Variants in EPS15 observed in about 807,000 individuals in gnomAD.
The protein encoded by EPS15 is epidermal growth factor receptor substrate 15.
A neutral mutation model predicts 113.8 loss-of-function variants in EPS15; 72 were observed. That is an observed-to-expected ratio of 0.63 (90% confidence interval 0.52 to 0.77). The LOEUF is 0.77. EPS15 is among the 30% of genes least tolerant of loss of function. EPS15 has a pLI of 0.00. For missense variants in EPS15, 1,048 were observed against 1,045.8 expected, an observed-to-expected ratio of 1.00 and a Z score of -0.03; for synonymous variants, 344 against 363.4, an observed-to-expected ratio of 0.95 and a Z score of 0.61.
At chr1:51,393,982 G>T (rs1451897176) in intron 21 of EPS15, among the ~76,000 whole-genome samples, 4 of 152,150 alleles carry the variant, frequency 2.6e-5, no homozygotes, top group Admixed American at 2.6e-4. Flanking sequence ...GCTTTTCTCT[G>T]TATTATTAAC....
At chr1:51,507,431 G>A (rs1375547060) in intron 1 of EPS15, among the ~76,000 whole-genome samples, 1 of 152,158 alleles carries the variant, frequency 6.6e-6, no homozygotes, top group Non-Finnish European at 1.5e-5. Context: ...GGGAGGCTGA[G>A]GCGGGTAGAT....
intron 21 of EPS15, among the ~76,000 whole-genome samples, chr1:51,385,570 G>T (rs1175195479): frequency 1.3e-5 from 2 of 152,094 alleles, no homozygotes; most frequent in Non-Finnish European, 2.9e-5. Flanking sequence ...ATACCCAAAA[G>T]AACTGAAAGC....
chr1:51,434,119 A>G (rs1651951772), intron 12 of EPS15, among the ~76,000 whole-genome samples: 1 of 152,252 alleles, frequency 6.6e-6, no homozygotes, highest in Admixed American at 6.5e-5. Context: ...AACAGTCTTC[A>G]TCAGATTTTC....
chr1:51,429,941 G>A (rs887137768), intron 12 of EPS15, among the ~76,000 whole-genome samples: 2 of 152,108 alleles, frequency 1.3e-5, no homozygotes, highest in African/African-American at 4.8e-5. Flanking sequence ...GTGAGCCATC[G>A]TGCCCAGCCA....
At chr1:51,447,983 G>GTT (rs1420366987) in intron 9 of EPS15, 63 bp downstream of exon 9, 4 of 1,591,408 alleles carry the variant, frequency 2.5e-6, no homozygotes, top group Non-Finnish European at 3.4e-6. Flanking sequence ...ATGGTAAGGA[G>GTT]TGGTAAGATT....
chr1:51,485,643 A>C (rs1256157560), intron 1 of EPS15, among the ~76,000 whole-genome samples: 6 of 152,216 alleles, frequency 3.9e-5, no homozygotes, highest in African/African-American at 1.4e-4. Context: ...GCTTTTAGCA[A>C]ATACCAATTA....
chr1:51,493,454 G>A (rs201980728), intron 1 of EPS15, among the ~76,000 whole-genome samples: 1 of 151,052 alleles, frequency 6.6e-6, no homozygotes, highest in East Asian at 2.0e-4. Context: ...GAACTCAGGA[G>A]GCGGAGCTTG....
intron 21 of EPS15, among the ~76,000 whole-genome samples, chr1:51,379,603 C>G (rs1178530013): frequency 6.6e-6 from 1 of 152,176 alleles, no homozygotes; most frequent in Non-Finnish European, 1.5e-5. Context: ...GGTTCATTAC[C>G]ACTAGACCTA....
At chr1:51,415,853 A>T (rs1277784471) in intron 13 of EPS15, among the ~76,000 whole-genome samples, 1 of 151,528 alleles carries the variant, frequency 6.6e-6, no homozygotes, top group African/African-American at 2.4e-5. Flanking sequence ...AACTACATAC[A>T]AAAAGGCCTT....
rs191281969 is a variant in EPS15 at position 51,475,047 on chromosome 1, T to C, written c.76-2099A>G. 2.6e-3 allele frequency among the ~76,000 whole-genome samples: 396 copies of C among 152,316 alleles called. 1 individual carries two copies. Among genetic ancestry groups the C allele is most frequent in the Non-Finnish European group, 4.6e-3 (313 of 68,030 alleles). On this transcript the variant is annotated intron_variant, in intron 2 of 24. Transcript: ENST00000371733. ...TATGGCTGCATAGTATTCCATGTTG[T>C]ATAAGTGCCACATTTTCTTAATCCA...
intron 1 of EPS15, among the ~76,000 whole-genome samples, chr1:51,487,059 T>C (rs1409346477): frequency 6.6e-6 from 1 of 152,210 alleles, no homozygotes; most frequent in Non-Finnish European, 1.5e-5. Context: ...GCAGCACATA[T>C]AAAGTATGTT....
At chr1:51,497,802 C>T (rs1644350138) in intron 1 of EPS15, among the ~76,000 whole-genome samples, 1 of 151,976 alleles carries the variant, frequency 6.6e-6, no homozygotes, top group African/African-American at 2.4e-5. Context: ...CATGGTGAAA[C>T]ACCATCTCTA....
chr1:51,406,451 A>G (rs1649139665), intron 15 of EPS15, among the ~76,000 whole-genome samples: 1 of 152,206 alleles, frequency 6.6e-6, no homozygotes, highest in Non-Finnish European at 1.5e-5. Context: ...CTCGAGTGAC[A>G]GAATGAGACC....
At chr1:51,411,087 G>A (rs753466163) in intron 13 of EPS15, among the ~76,000 whole-genome samples, 1 of 152,140 alleles carries the variant, frequency 6.6e-6, no homozygotes, top group Non-Finnish European at 1.5e-5. Flanking sequence ...CATACCATCT[G>A]CAGACTAAAT....
At chr1:51,438,913 C>T (rs1652369173) in intron 12 of EPS15, among the ~76,000 whole-genome samples, 1 of 151,728 alleles carries the variant, frequency 6.6e-6, no homozygotes, top group African/African-American at 2.4e-5. Context: ...ACTATACAAT[C>T]ACCACGAAGT....
In EPS15 at chr1:51,507,662, G is replaced by GA. The variant is rs34305972; in HGVS notation, c.33+11536dup. Among the ~76,000 whole-genome samples, 970 of 125,584 alleles carry GA rather than the reference G, an allele frequency of 7.7e-3. 2 individuals are homozygous for GA. The highest frequency in any genetic ancestry group is 0.011 in the Non-Finnish European group (646 of 58,178). 82.4% of individuals were successfully genotyped at this position (125,584 alleles called of 152,430 possible). On this transcript the variant is annotated intron_variant, in intron 1 of 24. Transcript: ENST00000371733. ...GGTGACAGAGGAAGACTCCATCTCAGAAAAAAAAAAAGGAGAACAGAATAA... is the reference window on the plus strand; with the variant it reads ...GGTGACAGAGGAAGACTCCATCTCAGAAAAAAAAAAAAGGAGAACAGAATAA...
chr1:51,370,239 G>A (rs1646613109), intron 21 of EPS15, among the ~76,000 whole-genome samples: 1 of 152,202 alleles, frequency 6.6e-6, no homozygotes, highest in Non-Finnish European at 1.5e-5. Context: ...CAAACCTACT[G>A]TGTTGCCAGT....
At chr1:51,481,374 G>C (rs1384631388) in intron 1 of EPS15, 60 bp from the exon 2 acceptor site, 2 of 783,290 alleles carry the variant, frequency 2.6e-6, no homozygotes, top group Non-Finnish European at 2.3e-6. Flanking sequence ...TAACATATTT[G>C]GCATTCATTC....
At chr1:51,382,532 T>C (rs56229243) in intron 21 of EPS15, 9,369 of 151,326 alleles carry the variant, frequency 0.062, 309 homozygotes, top group Non-Finnish European at 0.074. Flanking sequence ...GATTCTCCTA[T>C]CTCAGTCTCC....
Sources: allele counts gnomAD v4.1 joint callset (sites outside exome capture counted in the v4.1 genomes callset), GRCh38; gene constraint gnomAD v4.1.1; transcripts MANE v1.5; gene names NCBI Gene and HGNC (gene_info 2026-07-23, HGNC 2026-07-21).